Variants in COL27A1 observed in about 807,000 individuals in gnomAD.
The protein encoded by COL27A1 is collagen alpha-1(XXVII) chain.
COL27A1 carries 106 observed loss-of-function variants against 251.3 expected under a neutral mutation model. That is an observed-to-expected ratio of 0.42 (90% CI 0.36 to 0.50). The LOEUF is 0.50. Ranked by LOEUF, COL27A1 falls within the 20% of genes least tolerant of loss-of-function variation. The probability of loss-of-function intolerance (pLI) is 0.00; values close to 1 mark genes in which losing one functional copy is unlikely to be tolerated. For synonymous variants in COL27A1, 1,000 were observed against 986.3 expected, an observed-to-expected ratio of 1.01 and a Z score of -0.26; for missense variants, 2,325 against 2,522.8, an observed-to-expected ratio of 0.92 and a Z score of 1.68.
chr9:114,218,470 T>C (rs1830858784), intron 12 of COL27A1: 1 of 152,282 alleles, frequency 6.6e-6, no homozygotes, highest in African/African-American at 2.4e-5. Flanking sequence ...ACCTTGGCCA[T>C]GTGATGTTGC....
chr9:114,175,764 G>A (rs1236744868), intron 3 of COL27A1, among the ~76,000 whole-genome samples: 1 of 152,206 alleles, frequency 6.6e-6, no homozygotes, highest in African/African-American at 2.4e-5. Context: ...GGTCCATGAA[G>A]GAGCTGCACC....
intron 7 of COL27A1, among the ~76,000 whole-genome samples, chr9:114,200,429 C>A (rs1415692423): frequency 6.6e-6 from 1 of 152,158 alleles, no homozygotes; most frequent in Non-Finnish European, 1.5e-5. Flanking sequence ...TTTTTCTGTT[C>A]ACTGGTGTAT....
At chr9:114,298,336 A>G (rs1419173809) in intron 49 of COL27A1, among the ~76,000 whole-genome samples, 1 of 152,216 alleles carries the variant, frequency 6.6e-6, no homozygotes, top group Admixed American at 6.5e-5. Context: ...TTTTTAACGA[A>G]ATCTGACAAA....
chr9:114,205,161 C>T lies in COL27A1; in HGVS notation c.2169+15C>T. 1 of 1,611,842 alleles carries T rather than the reference C, an allele frequency of 6.2e-7. No homozygotes were observed. Among genetic ancestry groups the T allele is most frequent in the Non-Finnish European group, 8.5e-7 (1 of 1,179,236 alleles). On this transcript the variant is annotated intron_variant, in intron 8 of 60. Coordinates refer to ENST00000356083, the MANE Select transcript of COL27A1 (RefSeq NM_032888.4). ...CCGGAGAACAGGTGAGGGCCTCAGCCTCAGCCCTGCCCTGGTCGCTCTCCC... is the reference window on the plus strand; with the variant it reads ...CCGGAGAACAGGTGAGGGCCTCAGCTTCAGCCCTGCCCTGGTCGCTCTCCC...
At chr9:114,302,929 G>C (rs1310236257) in intron 56 of COL27A1, among the ~76,000 whole-genome samples, 7 of 152,174 alleles carry the variant, frequency 4.6e-5, no homozygotes, top group Middle Eastern at 3.4e-3. Flanking sequence ...CAGCCTCGAG[G>C]AAAGACTGAA....
At chr9:114,210,891 C>A in intron 11 of COL27A1, 91 bp from the exon 12 acceptor site, 1 of 1,339,020 alleles carries the variant, frequency 7.5e-7, no homozygotes. Flanking sequence ...CTGTGACTTC[C>A]TGCCGTGGGT....
At chr9:114,291,573 A>G (rs568547190) in intron 48 of COL27A1, among the ~76,000 whole-genome samples, 316 of 152,012 alleles carry the variant, frequency 2.1e-3, no homozygotes, top group African/African-American at 7.4e-3. Flanking sequence ...ACATGGGGAA[A>G]CCCCGTCTCT....
intron 35 of COL27A1, 43 bp from the exon 36 acceptor site, chr9:114,270,685 T>A: frequency 6.7e-7 from 1 of 1,494,818 alleles, no homozygotes; most frequent in Non-Finnish European, 9.3e-7. Context: ...CGGGGCCTCC[T>A]CCCCAGTAAC....
At position 114,282,449 on chromosome 9, in the gene COL27A1, T is replaced by C. The variant is rs372680749; in HGVS notation, c.3772-8T>C. 2.8e-5 allele frequency: 45 copies of C among 1,606,842 alleles called. No homozygotes were observed. The highest frequency in any genetic ancestry group is 3.8e-5 in the Non-Finnish European group (45 of 1,176,496). ...CCTGGTGACAGCTTGTCTTTCCTCC[T>C]GTTGCAGGGTGCCAAGGGCTATCAA... On this transcript the variant is annotated splice_polypyrimidine_tract_variant and splice_region_variant and intron_variant, in intron 38 of 60. Coordinates refer to ENST00000356083, the MANE Select transcript of COL27A1 (RefSeq NM_032888.4).
chr9:114,164,364 A>G (rs1188394327), intron 2 of COL27A1, among the ~76,000 whole-genome samples: 1 of 152,170 alleles, frequency 6.6e-6, no homozygotes, highest in Non-Finnish European at 1.5e-5. Flanking sequence ...CAGTGGTCTG[A>G]CTCATAGCAG....
intron 2 of COL27A1, 55 bp from the exon 3 acceptor site, chr9:114,167,634 G>A: frequency 2.0e-6 from 3 of 1,470,106 alleles, no homozygotes; most frequent in South Asian, 1.3e-5. Context: ...GTAGGGGGTG[G>A]GGTGGGCTGG....
In COL27A1 at chr9:114,310,604, A is replaced by G. The variant is rs765167085; in HGVS notation, c.5492A>G (p.Gln1831Arg). Residue 1831 changes from glutamine to arginine, a missense_variant, in exon 61 of 61, where the codon CAA (glutamine) becomes CGA (arginine). By Grantham distance (43) the Gln-to-Arg change is conservative. Transcript: ENST00000356083. ...TLFTFRTQDP[Q>R]QLPIISVDNL... ...TTCACCTTCCGGACCCAAGACCCCC[A>G]ACAGCTGCCCATCATCAGTGTGGAC... 2 of 1,614,168 alleles carry G rather than the reference A, an allele frequency of 1.2e-6. No homozygotes were observed. Among genetic ancestry groups the G allele is most frequent in the Admixed American group, 3.3e-5 (2 of 60,014 alleles).
chr9:114,176,380 A>AT (rs1405688882), intron 3 of COL27A1, among the ~76,000 whole-genome samples: 5 of 151,994 alleles, frequency 3.3e-5, no homozygotes, highest in South Asian at 2.1e-4. Flanking sequence ...AACAGCTAAC[A>AT]TTTTTTTTGA....
intron 55 of COL27A1, 24 bp from the exon 56 acceptor site, chr9:114,302,054 TTGAC>T: frequency 1.2e-6 from 2 of 1,607,082 alleles, no homozygotes; most frequent in South Asian, 1.1e-5. Flanking sequence ...TCCCTGTCAT[TTGAC>T]TGACCCGCAG....
chr9:114,174,326 G>C (rs976841924), intron 3 of COL27A1, among the ~76,000 whole-genome samples: 1 of 152,136 alleles, frequency 6.6e-6, no homozygotes, highest in Non-Finnish European at 1.5e-5. Context: ...CCTGGAAACT[G>C]CAGGAAATTG....
At chr9:114,210,932 T>G (rs1830310783) in intron 11 of COL27A1, 50 bp from the exon 12 acceptor site, 1 of 1,604,042 alleles carries the variant, frequency 6.2e-7, no homozygotes, top group Non-Finnish European at 8.5e-7. Flanking sequence ...CAAGCCTGGC[T>G]GTCCCTGCTG....
chr9:114,158,960 G>T (rs891568694), intron 1 of COL27A1, among the ~76,000 whole-genome samples: 1 of 152,220 alleles, frequency 6.6e-6, no homozygotes, highest in South Asian at 2.1e-4. Flanking sequence ...CCTCAGTTAC[G>T]CATCTTTTCA....
intron 36 of COL27A1, 187 bp downstream of exon 36, chr9:114,270,968 G>T: frequency 3.4e-6 from 2 of 584,348 alleles, no homozygotes; most frequent in East Asian, 3.1e-5. Context: ...CCTGCCCTCT[G>T]CACTACCTGC....
At chr9:114,245,754 C>T (rs1833087367) in intron 23 of COL27A1, 112 bp from the exon 24 acceptor site, 3 of 975,586 alleles carry the variant, frequency 3.1e-6, no homozygotes, top group East Asian at 2.4e-5. Flanking sequence ...GAGATAAGAT[C>T]CCTGGTTCAT....
Sources: allele counts gnomAD v4.1 joint callset (sites outside exome capture counted in the v4.1 genomes callset), GRCh38; gene constraint gnomAD v4.1.1; transcripts MANE v1.5; gene names NCBI Gene and HGNC (gene_info 2026-07-23, HGNC 2026-07-21).